Variants in CUL4B observed in about 807,000 individuals in gnomAD.
CUL4B encodes the protein cullin-4B.
CUL4B carries 1 observed loss-of-function variant against 69.2 expected under a neutral mutation model. The observed-to-expected ratio is 0.01, with a 90% confidence interval of 0.01 to 0.07. CUL4B has a LOEUF of 0.07. CUL4B is among the 10% of genes least tolerant of loss of function. The pLI is 1.00. For missense variants in CUL4B, 328 were observed against 638.8 expected, an observed-to-expected ratio of 0.51 and a Z score of 5.24; for synonymous variants, 237 against 223.2, an observed-to-expected ratio of 1.06 and a Z score of -0.55.
chrX:120,538,922 T>C, intron 12 of CUL4B, 152 bp from the exon 13 acceptor site: 1 of 445,371 alleles, frequency 2.2e-6, no homozygotes, highest in Non-Finnish European at 3.8e-6. Context: ...ACAGTAGAGA[T>C]CCATTTTTGT....
chrX:120,565,930 A>G (rs147302377), upstream of CUL4B, among the ~76,000 whole-genome samples: 252 of 106,025 alleles, frequency 2.4e-3, no homozygotes, highest in African/African-American at 8.1e-3. Flanking sequence ...AGGTTTCACT[A>G]TGTTAGCCAG....
intron 2 of CUL4B, among the ~76,000 whole-genome samples, chrX:120,549,292 G>A (rs1277314310): frequency 1.8e-5 from 2 of 112,360 alleles, no homozygotes; most frequent in Non-Finnish European, 1.9e-5. Context: ...GGTGGCTCAC[G>A]CCTGTAATCC....
chrX:120,538,443 T>C (rs1030326774), intron 13 of CUL4B: 7 of 405,426 alleles, frequency 1.7e-5, no homozygotes, highest in African/African-American at 1.5e-4. Flanking sequence ...GAAATTTTTA[T>C]ACAAATAATA....
At chrX:120,529,721 C>T (rs942051523) in intron 19 of CUL4B, among the ~76,000 whole-genome samples, 15 of 111,387 alleles carry the variant, frequency 1.3e-4, no homozygotes, top group Non-Finnish European at 2.6e-4. Context: ...GGAGATTTAA[C>T]TCAATCCACA....
chrX:120,538,458 C>T (rs1219912205), intron 13 of CUL4B: 2 of 398,623 alleles, frequency 5.0e-6, no homozygotes, highest in African/African-American at 2.6e-5. Context: ...ATAATAAAAC[C>T]AAGAACAATG....
At chrX:120,559,696 G>A in intron 1 of CUL4B, 1 of 749,441 alleles carries the variant, frequency 1.3e-6, no homozygotes, top group Non-Finnish European at 1.8e-6. Flanking sequence ...GCCTACTGAA[G>A]CATAAAAATA....
At position 120,532,322 on chromosome X, in the gene CUL4B, T is replaced by A. The variant is rs192503933; in HGVS notation, c.2439+100A>T. 359 of 631,277 alleles carry A rather than the reference T, an allele frequency of 5.7e-4. No individual in the cohort carries two copies. In the African/African-American group the frequency reaches 7.1e-3, roughly 12 times the overall value. The allele number at this position is 631,277 out of a possible 1,213,427, so 52.0% of individuals were successfully genotyped here. On this transcript the variant is annotated intron_variant, in intron 18 of 19. Coordinates refer to ENST00000371322, the MANE Select transcript of CUL4B (RefSeq NM_001079872.2). ...TGGACATAGACACAAAAAATATTAA[T>A]GGTATTGGCAGTATTACAGGTATAA...
At chrX:120,553,062 T>C (rs984979234) in intron 2 of CUL4B, among the ~76,000 whole-genome samples, 2 of 112,321 alleles carry the variant, frequency 1.8e-5, no homozygotes, top group Admixed American at 9.5e-5. Context: ...GACTAAGAAT[T>C]TGTAAGTGCA....
intron 2 of CUL4B, among the ~76,000 whole-genome samples, chrX:120,550,299 C>T (rs748558022): frequency 1.8e-5 from 2 of 112,381 alleles, no homozygotes; most frequent in Admixed American, 1.9e-4. Context: ...TTCTTTAATA[C>T]TTTTTGAGCT....
chrX:120,545,730 C>G (rs1426407406), intron 4 of CUL4B, among the ~76,000 whole-genome samples: 1 of 109,978 alleles, frequency 9.1e-6, no homozygotes, highest in African/African-American at 3.3e-5. Flanking sequence ...AAAAAAGACA[C>G]TTAAAATGGC....
upstream of CUL4B, among the ~76,000 whole-genome samples, chrX:120,565,215 T>A (rs754817069): frequency 9.1e-5 from 10 of 110,430 alleles, no homozygotes; most frequent in Non-Finnish European, 1.5e-4. Context: ...TCTCCAGATA[T>A]CTCATACCAG....
chrX:120,547,409 T>G (rs975818629), intron 2 of CUL4B, among the ~76,000 whole-genome samples, 170 bp from the exon 3 acceptor site: 2 of 112,248 alleles, frequency 1.8e-5, no homozygotes, highest in Non-Finnish European at 3.8e-5. Context: ...GTGGCAAACT[T>G]TCTCATAACC....
At chrX:120,547,104 C>G (rs1266371462) in intron 3 of CUL4B, 32 bp downstream of exon 3, 13 of 1,014,930 alleles carry the variant, frequency 1.3e-5, no homozygotes, top group South Asian at 1.9e-5. Flanking sequence ...GAAGACAAAA[C>G]TATTCACGAT....
chrX:120,564,570 C>A (rs1925436366), upstream of CUL4B, among the ~76,000 whole-genome samples: 1 of 111,920 alleles, frequency 8.9e-6, no homozygotes, highest in Non-Finnish European at 1.9e-5. Flanking sequence ...TGTGCCACTA[C>A]ACTCCTGCCT....
chrX:120,550,462 G>A (rs746123594), intron 2 of CUL4B, among the ~76,000 whole-genome samples: 67 of 111,658 alleles, frequency 6.0e-4, no homozygotes, highest in Admixed American at 4.7e-3. Flanking sequence ...AGAGAGATGA[G>A]GCCCCTAACC....
chrX:120,572,485 A>G (rs1569399551), intron 2 of CUL4B, among the ~76,000 whole-genome samples: 1 of 102,651 alleles, frequency 9.7e-6, no homozygotes, highest in Non-Finnish European at 2.0e-5. Flanking sequence ...AAAAAAAAAG[A>G]AAAAGAAAAG....
chrX:120,540,945 G>A (rs73639317), intron 10 of CUL4B, among the ~76,000 whole-genome samples: 25 of 112,588 alleles, frequency 2.2e-4, no homozygotes, highest in African/African-American at 8.0e-4. Flanking sequence ...AGAAGCCTCT[G>A]GGATCTTTTC....
In CUL4B at chrX:120,572,973, G is replaced by A. The variant is rs181824081; in HGVS notation, c.68-973C>T. ...AATGGTCACGTTTCAGTTCTGTTTA[G>A]TTATGCAAATGATATATAAACATTC... is the stretch of plus-strand genomic sequence containing the variant. On this transcript the variant is annotated intron_variant, in intron 2 of 2. Coordinates refer to the CUL4B transcript ENST00000486604. Among the ~76,000 whole-genome samples the A allele has an allele frequency of 6.6e-3, 709 of 106,931 alleles. 6 individuals are homozygous for A. The highest frequency in any genetic ancestry group is 0.023 in the African/African-American group (670 of 28,526). 92.9% of individuals were successfully genotyped at this position (106,931 alleles called of 115,157 possible). A position where few individuals can be genotyped will look rare whatever the true frequency, so the allele number is the denominator to read the frequency against.
At chrX:120,533,275 A>G (rs1385496389) in intron 17 of CUL4B, among the ~76,000 whole-genome samples, 1 of 111,928 alleles carries the variant, frequency 8.9e-6, no homozygotes, top group African/African-American at 3.3e-5. Context: ...TAGCATCTAA[A>G]CTGGAATCCC....
Sources: gnomAD v4.1 joint callset for allele counts (sites outside exome capture counted in the v4.1 genomes callset) on GRCh38, gnomAD v4.1.1 for gene constraint, MANE v1.5 for transcripts, NCBI Gene and HGNC (gene_info 2026-07-23, HGNC 2026-07-21) for gene names.